YES1: variants seen among roughly 807,000 people sequenced by gnomAD.
YES1 encodes the protein YES proto-oncogene 1, Src family tyrosine kinase.
A neutral mutation model predicts 70.4 loss-of-function variants in YES1; 39 were observed. The observed-to-expected ratio is 0.55, with a 90% CI of 0.43 to 0.72. The LOEUF (loss-of-function observed/expected upper bound fraction) is 0.72. Ranked by LOEUF, YES1 falls within the 30% of genes least tolerant of loss-of-function variation. The pLI is 0.00. For synonymous variants in YES1, 198 were observed against 218.6 expected, an observed-to-expected ratio of 0.91 and a Z score of 0.83; for missense variants, 495 against 644.8, an observed-to-expected ratio of 0.77 and a Z score of 2.52.
At chr18:765,399 CTT>C (rs1160937016) in intron 1 of YES1, among the ~76,000 whole-genome samples, 8 of 123,474 alleles carry the variant, frequency 6.5e-5, no homozygotes, top group Admixed American at 1.6e-4. Context: ...TAATTTAACA[CTT>C]TTTTTTTTTT....
chr18:810,959 A>C (rs1199009271), intron 1 of YES1, among the ~76,000 whole-genome samples: 1 of 135,032 alleles, frequency 7.4e-6, no homozygotes, highest in Non-Finnish European at 1.5e-5. Context: ...TGTGATAGTT[A>C]AGATATTAGA....
In YES1 at chr18:724,577, G is replaced by A. The variant is rs2079995574; in HGVS notation, c.1479C>T (p.Cys493=). ...EQVERGYRMP[C]PQGCPESLHE... ...GGAGGGATTCTGGACAGCCCTGAGG[G>A]CACGGCATCCTGTATCCTCGCTCCA... The change falls in exon 12 of 12, where the codon TGC becomes TGT. Residue 493 remains cysteine, a synonymous_variant. Coordinates refer to ENST00000314574, the MANE Select transcript of YES1 (RefSeq NM_005433.4). 2 of 1,613,940 alleles carry A rather than the reference G, an allele frequency of 1.2e-6. No individual in the cohort carries two copies. Among genetic ancestry groups the A allele is most frequent in the African/African-American group, 2.7e-5 (2 of 74,890 alleles).
intron 1 of YES1, among the ~76,000 whole-genome samples, chr18:781,506 C>T (rs1421926273): frequency 6.6e-6 from 1 of 152,146 alleles, no homozygotes; most frequent in Non-Finnish European, 1.5e-5. Flanking sequence ...TTCCTGCCCC[C>T]ACACCATTTA....
intron 9 of YES1, 145 bp from the exon 10 acceptor site, chr18:737,106 T>C: frequency 1.5e-6 from 1 of 676,570 alleles, no homozygotes. Flanking sequence ...GTCTAGAAGA[T>C]AACAGGAAAA....
chr18:778,898 C>T (rs1401008732), intron 1 of YES1, among the ~76,000 whole-genome samples: 1 of 152,176 alleles, frequency 6.6e-6, no homozygotes, highest in African/African-American at 2.4e-5. Context: ...TTCCAAGAGT[C>T]GAAGGAGAAA....
chr18:763,112 C>T (rs1904678762), intron 1 of YES1, among the ~76,000 whole-genome samples: 1 of 152,018 alleles, frequency 6.6e-6, no homozygotes, highest in African/African-American at 2.4e-5. Context: ...CAGCATGGTT[C>T]ATTTTAGGAA....
Position 756,841 on chromosome 18 carries a change from G to C in YES1, c.-8-6C>G. On this transcript the variant is annotated splice_polypyrimidine_tract_variant and splice_region_variant and intron_variant, in intron 1 of 11. Transcript: ENST00000314574. ...AATGCAGCCCATTATCAAATCTACA[G>C]AGACAATAAAATATTTTGAGAGTCA... is the stretch of plus-strand genomic sequence containing the variant. The C allele has an allele frequency of 6.2e-7, 1 of 1,607,762 alleles. No individual in the cohort carries two copies. The highest frequency in any genetic ancestry group is 8.5e-7 in the Non-Finnish European group (1 of 1,176,812).
intron 1 of YES1, among the ~76,000 whole-genome samples, chr18:760,622 T>G (rs918607785): frequency 7.9e-5 from 12 of 152,312 alleles, no homozygotes; most frequent in Admixed American, 7.8e-4. Context: ...TCTAGAAGGC[T>G]CTACAATTTC....
At chr18:757,283 C>T (rs923857184) in intron 1 of YES1, among the ~76,000 whole-genome samples, 4 of 151,994 alleles carry the variant, frequency 2.6e-5, no homozygotes, top group Middle Eastern at 3.4e-3. Flanking sequence ...GCGGGCGGAT[C>T]ACGAGGTCAG....
chr18:769,127 T>C (rs1905042448), intron 1 of YES1, among the ~76,000 whole-genome samples: 1 of 152,198 alleles, frequency 6.6e-6, no homozygotes, highest in African/African-American at 2.4e-5. Flanking sequence ...TATAGGTATA[T>C]AGGTATAATA....
chr18:730,522 C>G (rs558775117), intron 11 of YES1, among the ~76,000 whole-genome samples: 1 of 151,960 alleles, frequency 6.6e-6, no homozygotes, highest in South Asian at 2.1e-4. Flanking sequence ...AATTTTAAAG[C>G]AGAATTTTAG....
chr18:739,661 A>G, intron 9 of YES1, 74 bp downstream of exon 9: 1 of 1,200,086 alleles, frequency 8.3e-7, no homozygotes, highest in Non-Finnish European at 1.2e-6. Flanking sequence ...ACATACTATA[A>G]TATTCTGGTA....
intron 1 of YES1, among the ~76,000 whole-genome samples, chr18:760,820 A>C (rs1904554228): frequency 6.6e-6 from 1 of 152,212 alleles, no homozygotes; most frequent in Non-Finnish European, 1.5e-5. Flanking sequence ...GTGGGGACAG[A>C]AGTTTAAGAG....
At position 721,841 on chromosome 18, in the gene YES1, T is replaced by TA. The variant is rs955819759; in HGVS notation, c.*2582dup. The TA allele has an allele frequency of 6.5e-6, 1 of 152,680 alleles. No homozygotes were observed. The highest frequency in any genetic ancestry group is 2.4e-5 in the African/African-American group (1 of 41,466). The allele number at this position is 152,680 out of a possible 1,614,324, so 9.5% of individuals were successfully genotyped here. On this transcript the variant is annotated 3_prime_UTR_variant, in exon 12 of 12. Transcript: ENST00000314574. ...TAAGTTTAGGCTACCATTATTCATT[T>TA]AAAAAAGTGTGCTAGAAGGCTGTTT...
At chr18:758,763 AC>A (rs1904419398) in intron 1 of YES1, among the ~76,000 whole-genome samples, 1 of 151,770 alleles carries the variant, frequency 6.6e-6, no homozygotes, top group South Asian at 2.1e-4. Context: ...ATCCCAACCT[AC>A]CCCCAAATTA....
intron 1 of YES1, among the ~76,000 whole-genome samples, chr18:793,542 G>A (rs1481992915): frequency 6.6e-6 from 1 of 151,928 alleles, no homozygotes; most frequent in African/African-American, 2.4e-5. Context: ...TCACTAAATT[G>A]CTCAGGCTGG....
chr18:735,348 A>C (rs2080140609), intron 10 of YES1, among the ~76,000 whole-genome samples: 1 of 152,164 alleles, frequency 6.6e-6, no homozygotes, highest in Non-Finnish European at 1.5e-5. Context: ...TGTCTTTTGC[A>C]GAAACTTAGA....
rs146730658 is a variant in YES1, at chr18:753,071, T to C, written c.272-1267A>G. 2.2e-3 allele frequency among the ~76,000 whole-genome samples: 330 copies of C among 152,322 alleles called. 1 individual carries two copies. The highest frequency in any genetic ancestry group is 7.5e-3 in the African/African-American group (311 of 41,578). ...CATACTGAACAGCCAAACTATTATT[T>C]GCAAACAAAACAAATAATAAAACAG... On this transcript the variant is annotated intron_variant, in intron 2 of 11. Coordinates refer to ENST00000314574, the MANE Select transcript of YES1 (RefSeq NM_005433.4).
chr18:741,385 T>C (rs1213717151), intron 8 of YES1, among the ~76,000 whole-genome samples: 1 of 152,102 alleles, frequency 6.6e-6, no homozygotes, highest in Non-Finnish European at 1.5e-5. Context: ...GGAATACATG[T>C]GTGTGCAACC....
Sources: gnomAD v4.1 joint callset for allele counts (sites outside exome capture counted in the v4.1 genomes callset) on GRCh38, gnomAD v4.1.1 for gene constraint, MANE v1.5 for transcripts, NCBI Gene and HGNC (gene_info 2026-07-23, HGNC 2026-07-21) for gene names.